The following RPRD1B variants were observed in gnomAD, a reference collection of about 807,000 sequenced individuals.
RPRD1B encodes the protein regulation of nuclear pre-mRNA domain-containing protein 1B.
Under a neutral mutation model 41.5 loss-of-function variants are expected in RPRD1B, and 11 were observed. The observed-to-expected ratio is 0.27, with a 90% CI of 0.17 to 0.44. The LOEUF (loss-of-function observed/expected upper bound fraction) is 0.44. Ranked by LOEUF, RPRD1B falls within the 20% of genes least tolerant of loss-of-function variation. The probability of loss-of-function intolerance (pLI) is 1.00; values close to 1 mark genes in which losing one functional copy is unlikely to be tolerated. For synonymous variants in RPRD1B, 158 were observed against 155.6 expected (o/e 1.02, Z -0.12); for missense variants, 248 against 389.9 (o/e 0.64, Z 3.06).
At chr20:38,067,851 G>T (rs975232539) in intron 6 of RPRD1B, among the ~76,000 whole-genome samples, 16 of 152,224 alleles carry the variant, frequency 1.1e-4, no homozygotes, top group African/African-American at 3.9e-4. Flanking sequence ...AATGATTCTG[G>T]TTGTAAGTCA....
rs2074615962 is a variant in RPRD1B, at chr20:38,092,058, G to T, written c.*2183G>T. The T allele has an allele frequency of 2.0e-6, 2 of 985,672 alleles. No individual in the cohort carries two copies. Among genetic ancestry groups the T allele is most frequent in the African/African-American group, 1.7e-5 (1 of 57,222 alleles). 61.1% of individuals were successfully genotyped at this position (985,672 alleles called of 1,614,324 possible). A position where few individuals can be genotyped will look rare whatever the true frequency, so the allele number is the denominator to read the frequency against. On this transcript the variant is annotated 3_prime_UTR_variant, in exon 7 of 7. Coordinates refer to ENST00000373433, the MANE Select transcript of RPRD1B (RefSeq NM_021215.4). ...CTTACTTCATTTGTTTAATTTAAATGAACTTTCCTCCTTGTATGTATGAGG... is the reference window on the plus strand; with the variant it reads ...CTTACTTCATTTGTTTAATTTAAATTAACTTTCCTCCTTGTATGTATGAGG...
intron 1 of RPRD1B, 62 bp downstream of exon 1, chr20:38,034,160 C>G (rs1484029372): frequency 6.5e-7 from 1 of 1,542,416 alleles, no homozygotes; most frequent in African/African-American, 1.4e-5. Context: ...CACATACAAC[C>G]TAGGCCCCTC....
intron 6 of RPRD1B, among the ~76,000 whole-genome samples, chr20:38,078,347 C>T (rs1312432593): frequency 6.6e-6 from 1 of 152,154 alleles, no homozygotes; most frequent in African/African-American, 2.4e-5. Flanking sequence ...CTGCCCAGGA[C>T]ACACTTCCCC....
intron 3 of RPRD1B, among the ~76,000 whole-genome samples, chr20:38,055,663 G>T (rs1211641937): frequency 6.6e-6 from 1 of 152,118 alleles, no homozygotes; most frequent in African/African-American, 2.4e-5. Context: ...ATTAGCTTTT[G>T]TTTCAGTTTC....
intron 6 of RPRD1B, among the ~76,000 whole-genome samples, chr20:38,078,107 G>A (rs2074481127): frequency 6.6e-6 from 1 of 151,684 alleles, no homozygotes; most frequent in Admixed American, 6.6e-5. Context: ...GGTGAAGGCT[G>A]CAATGAGCCA....
intron 6 of RPRD1B, among the ~76,000 whole-genome samples, chr20:38,066,476 C>CA (rs2074357484): frequency 6.6e-6 from 1 of 152,162 alleles, no homozygotes; most frequent in East Asian, 1.9e-4. Context: ...TTGTAGGAAA[C>CA]AAACAGTGAA....
rs534422588 is a variant in RPRD1B at position 38,042,237 on chromosome 20, C to A, written c.281+1673C>A. On this transcript the variant is annotated intron_variant, in intron 2 of 6. Coordinates refer to ENST00000373433, the MANE Select transcript of RPRD1B (RefSeq NM_021215.4). Reference sequence around the variant, plus strand: ...GGCATGGTGGTGTGCACCTGTAGTCCTAGCTACTTGGGAGGCTGAGGCAGG... The same window carrying A: ...GGCATGGTGGTGTGCACCTGTAGTCATAGCTACTTGGGAGGCTGAGGCAGG... Among the ~76,000 whole-genome samples the A allele has an allele frequency of 1.0e-3, 157 of 152,228 alleles. 1 individual carries two copies. The highest frequency in any genetic ancestry group is 3.3e-3 in the African/African-American group (135 of 41,536).
rs922336100 is a variant in RPRD1B at position 38,090,774 on chromosome 20, A to T, written c.*899A>T. 2.4e-5 allele frequency: 24 copies of T among 985,146 alleles called. No homozygotes were observed. The Admixed American group carries it at 1.0e-3, about 43-fold the overall frequency. 61.0% of individuals were successfully genotyped at this position (985,146 alleles called of 1,614,324 possible). A position where few individuals can be genotyped will look rare whatever the true frequency, so the allele number is the denominator to read the frequency against. On this transcript the variant is annotated 3_prime_UTR_variant, in exon 7 of 7. Coordinates refer to ENST00000373433, the MANE Select transcript of RPRD1B (RefSeq NM_021215.4). ...TGGGATCTGTGTGGGTGTTTCTTGG[A>T]CCCTTTCTTCTGGGAGTAGGGTACA... is the stretch of plus-strand genomic sequence containing the variant.
At position 38,059,333 on chromosome 20, in the gene RPRD1B, A is replaced by G. The variant is rs1425638711; in HGVS notation, c.529-61A>G. On this transcript the variant is annotated intron_variant, in intron 4 of 6. Transcript: ENST00000373433. ...TTTGCCTCCACCTCATTTAACTCCA[A>G]CTAATTTTCTTTAAACCCCATGTCT... is the stretch of plus-strand genomic sequence containing the variant. 1.5e-5 allele frequency: 23 copies of G among 1,510,766 alleles called. 1 individual carries two copies. The highest frequency in any genetic ancestry group is 9.0e-5 in the Admixed American group (4 of 44,244). The allele number at this position is 1,510,766 out of a possible 1,614,324, so 93.6% of individuals were successfully genotyped here.
intron 6 of RPRD1B, among the ~76,000 whole-genome samples, chr20:38,070,032 T>A (rs2074396208): frequency 6.6e-6 from 1 of 151,646 alleles, no homozygotes; most frequent in Admixed American, 6.6e-5. Context: ...TAAGGTTGCA[T>A]TAAAAGTGGC....
intron 6 of RPRD1B, among the ~76,000 whole-genome samples, chr20:38,081,489 G>T (rs1364467921): frequency 6.6e-6 from 1 of 152,182 alleles, no homozygotes; most frequent in Admixed American, 6.5e-5. Flanking sequence ...GAATCATATA[G>T]CCTGCAACGA....
At position 38,091,816 on chromosome 20, in the gene RPRD1B, C is replaced by T. The variant is rs2074614437; in HGVS notation, c.*1941C>T. On this transcript the variant is annotated 3_prime_UTR_variant, in exon 7 of 7. Coordinates refer to ENST00000373433, the MANE Select transcript of RPRD1B (RefSeq NM_021215.4). Reference sequence around the variant, plus strand: ...ATAGCAGAATGGATTTAGCCCACTGCTCTGTTTTATCCAACTGAGTCTCTG... The same window carrying T: ...ATAGCAGAATGGATTTAGCCCACTGTTCTGTTTTATCCAACTGAGTCTCTG... The T allele has an allele frequency of 4.1e-6, 4 of 985,702 alleles. No homozygotes were observed. Among genetic ancestry groups the T allele is most frequent in the Admixed American group, 1.2e-4 (2 of 16,264 alleles). The allele number at this position is 985,702 out of a possible 1,614,324, so 61.1% of individuals were successfully genotyped here.
At chr20:38,075,308 G>T (rs548304578) in intron 6 of RPRD1B, among the ~76,000 whole-genome samples, 2 of 152,310 alleles carry the variant, frequency 1.3e-5, no homozygotes, top group South Asian at 4.1e-4. Context: ...ACAAGTTAAG[G>T]ATTAGTCTTT....
At chr20:38,038,316 T>G (rs1048519979) in intron 1 of RPRD1B, among the ~76,000 whole-genome samples, 1 of 151,376 alleles carries the variant, frequency 6.6e-6, no homozygotes, top group African/African-American at 2.4e-5. Context: ...CATTTTTTTT[T>G]TTTTTTTTGA....
At chr20:38,059,059 A>G (rs1258110207) in intron 4 of RPRD1B, among the ~76,000 whole-genome samples, 1 of 152,138 alleles carries the variant, frequency 6.6e-6, no homozygotes, top group Non-Finnish European at 1.5e-5. Flanking sequence ...TTTATTCTAT[A>G]CTGGAAATGA....
Position 38,034,088 on chromosome 20 carries a change from G to A in RPRD1B, c.141G>A (p.Glu47=), listed in dbSNP as rs368627060. ...CCATCGTCTCCGTGTGGCACCGCGA[G>A]CTCCGCAAAGGTAAACACCAAATCC... The part of the protein sequence containing the change: ...AGPIVSVWHR[E]LRKAKSNRKL... The change falls in exon 1 of 7, where the codon GAG becomes GAA. Residue 47 remains glutamate, a synonymous_variant. Coordinates refer to ENST00000373433, the MANE Select transcript of RPRD1B (RefSeq NM_021215.4). 7 of 1,613,350 alleles carry A rather than the reference G, an allele frequency of 4.3e-6. No homozygotes were observed. The highest frequency in any genetic ancestry group is 2.7e-5 in the African/African-American group (2 of 74,930).
At chr20:38,065,974 G>C in intron 5 of RPRD1B, 107 bp from the exon 6 acceptor site, 1 of 1,101,376 alleles carries the variant, frequency 9.1e-7, no homozygotes, top group Non-Finnish European at 1.3e-6. Flanking sequence ...CTTATTCTCA[G>C]ACTCTGTATA....
intron 2 of RPRD1B, among the ~76,000 whole-genome samples, chr20:38,047,024 A>G (rs142714764): frequency 5.8e-4 from 89 of 152,326 alleles, no homozygotes; most frequent in African/African-American, 2.1e-3. Context: ...AATGCAGGCG[A>G]GAGATGATAG....
At chr20:38,064,154 C>T (rs995778820) in intron 5 of RPRD1B, among the ~76,000 whole-genome samples, 1 of 152,150 alleles carries the variant, frequency 6.6e-6, no homozygotes, top group Non-Finnish European at 1.5e-5. Flanking sequence ...GTCCTTTATC[C>T]TCTGTGACTG....
Sources: gnomAD v4.1 joint callset for allele counts (sites outside exome capture counted in the v4.1 genomes callset) on GRCh38, gnomAD v4.1.1 for gene constraint, MANE v1.5 for transcripts, NCBI Gene and HGNC (gene_info 2026-07-23, HGNC 2026-07-21) for gene names.